HELB: variants seen among roughly 807,000 people sequenced by gnomAD.
The protein encoded by HELB is DNA 5'-3' helicase B.
In HELB, 96 loss-of-function variants were observed where a neutral mutation model predicts 101.7. The observed-to-expected ratio is 0.94, with a 90% CI of 0.80 to 1.12. The LOEUF is 1.12. Among genes scored for constraint, HELB ranks in the 50% most tolerant of loss-of-function variants. The pLI, the probability that HELB is intolerant of heterozygous loss-of-function variation, is 0.00. For missense variants in HELB, 1,210 were observed against 1,291.9 expected (o/e 0.94, Z 0.97); for synonymous variants, 437 against 459.7 (o/e 0.95, Z 0.63).
intron 11 of HELB, among the ~76,000 whole-genome samples, chr12:66,325,767 T>A (rs993844922): frequency 6.6e-6 from 1 of 152,212 alleles, no homozygotes. Context: ...CCTTATCAAC[T>A]TTGTGGGGTA....
intron 7 of HELB, among the ~76,000 whole-genome samples, chr12:66,320,191 A>G (rs576499587): frequency 2.6e-5 from 4 of 152,076 alleles, no homozygotes; most frequent in Non-Finnish European, 4.4e-5. Context: ...GAAACAATTT[A>G]TACTCTTTAA....
downstream of HELB, chr12:66,338,912 G>A (rs2053896317): frequency 6.6e-6 from 1 of 152,142 alleles, no homozygotes; most frequent in Admixed American, 6.5e-5. Flanking sequence ...ACTTTTCCTT[G>A]GAAGTGCTTT....
intron 1 of HELB, among the ~76,000 whole-genome samples, chr12:66,303,540 G>T (rs1423124976): frequency 1.3e-5 from 2 of 152,134 alleles, no homozygotes; most frequent in African/African-American, 2.4e-5. Context: ...GGCCGAGGCA[G>T]GAGAATTGCT....
chr12:66,309,681 C>A lies in HELB; in HGVS notation c.778-25C>A, dbSNP rs765808903. On this transcript the variant is annotated intron_variant, in intron 3 of 12. Coordinates refer to ENST00000247815, the MANE Select transcript of HELB (RefSeq NM_001370285.1). ...CATAAACACTTATGATGTTTATAAA[C>A]CAACCTGAACTTTATTTCTTAAAGA... 5 of 1,507,838 alleles carry A rather than the reference C, an allele frequency of 3.3e-6. No homozygotes were observed. In the African/African-American group the frequency reaches 5.6e-5, roughly 17 times the overall value. 93.4% of individuals were successfully genotyped at this position (1,507,838 alleles called of 1,614,324 possible).
At chr12:66,312,694 T>C (rs1475154023) in intron 4 of HELB, among the ~76,000 whole-genome samples, 6 of 152,236 alleles carry the variant, frequency 3.9e-5, no homozygotes, top group Non-Finnish European at 1.5e-5. Flanking sequence ...TCTGAAGCTA[T>C]GTTTAGGCTC....
chr12:66,329,982 T>C (rs2053786762), intron 11 of HELB, among the ~76,000 whole-genome samples: 1 of 152,234 alleles, frequency 6.6e-6, no homozygotes, highest in Non-Finnish European at 1.5e-5. Context: ...TCTGAGGAGC[T>C]GCTTCAAACT....
At chr12:66,336,510 C>T (rs914748770) in intron 12 of HELB, among the ~76,000 whole-genome samples, 4 of 152,154 alleles carry the variant, frequency 2.6e-5, no homozygotes, top group African/African-American at 9.7e-5. Context: ...GCTTCCAAGG[C>T]TGTAATAAAG....
At position 66,306,363 on chromosome 12, in the gene HELB, T is replaced by C; in HGVS notation, c.626T>C (p.Met209Thr). 6.3e-7 allele frequency: 1 copy of C among 1,593,314 alleles called. No homozygotes were observed. The highest frequency in any genetic ancestry group is 8.5e-7 in the Non-Finnish European group (1 of 1,171,906). ...CTTGTAGTTCCATTTAGAAATGTAA[T>C]GACAGCTTTGCAGTTTCCGAAGATA... The part of the protein sequence containing the change: ...LENTIPFRNV[M>T]TALQFPKIME... Residue 209 changes from methionine to threonine, a missense_variant, in exon 3 of 13, where the codon ATG (methionine) becomes ACG (threonine). Met to Thr is a moderately conservative substitution (Grantham distance 81). Coordinates refer to ENST00000247815, the MANE Select transcript of HELB (RefSeq NM_001370285.1).
At chr12:66,319,110 T>C (rs151187000) in intron 7 of HELB, among the ~76,000 whole-genome samples, 2,464 of 152,296 alleles carry the variant, frequency 0.016, 73 homozygotes, top group African/African-American at 0.057. Flanking sequence ...TCTTAATTAA[T>C]GAAGTTTTTC....
At chr12:66,329,922 T>G (rs749525718) in intron 11 of HELB, among the ~76,000 whole-genome samples, 19 of 152,188 alleles carry the variant, frequency 1.2e-4, no homozygotes, top group Non-Finnish European at 2.9e-5. Context: ...TTTATGTCAA[T>G]TTCTGAGACC....
intron 6 of HELB, among the ~76,000 whole-genome samples, chr12:66,317,395 G>A (rs1271470915): frequency 6.6e-6 from 1 of 152,170 alleles, no homozygotes; most frequent in Non-Finnish European, 1.5e-5. Flanking sequence ...CAGGAATAGG[G>A]TAGACAGTGT....
chr12:66,327,035 C>CAAAAAAAAAAAAAAA (rs756031862), intron 11 of HELB, among the ~76,000 whole-genome samples: 1 of 41,702 alleles, frequency 2.4e-5, no homozygotes, highest in Non-Finnish European at 3.9e-5. Flanking sequence ...GACTTCATCT[C>CAAAAAAAAAAAAAAA]AAAAAAAAAA....
chr12:66,328,814 T>C (rs147183482), intron 11 of HELB, among the ~76,000 whole-genome samples: 1 of 152,298 alleles, frequency 6.6e-6, no homozygotes, highest in African/African-American at 2.4e-5. Flanking sequence ...ATGATGATAT[T>C]TTGGATATGT....
intron 12 of HELB, among the ~76,000 whole-genome samples, chr12:66,333,112 C>T (rs1024966441): frequency 3.3e-5 from 5 of 152,156 alleles, no homozygotes; most frequent in South Asian, 2.1e-4. Context: ...GGGAGGAAAG[C>T]GCACCAGTGC....
intron 9 of HELB, among the ~76,000 whole-genome samples, chr12:66,323,353 A>G (rs2053696181): frequency 6.6e-6 from 1 of 152,112 alleles, no homozygotes. Context: ...GCCAGAAAGC[A>G]TGGGCTTGAG....
At chr12:66,306,116 T>C (rs2136986826) in intron 2 of HELB, among the ~76,000 whole-genome samples, 1 of 152,354 alleles carries the variant, frequency 6.6e-6, no homozygotes, top group Non-Finnish European at 1.5e-5. Context: ...AATCATTATT[T>C]AAGCATTTAA....
chr12:66,331,008 G>T, intron 11 of HELB, 146 bp from the exon 12 acceptor site: 1 of 875,996 alleles, frequency 1.1e-6, no homozygotes, highest in Non-Finnish European at 1.8e-6. Flanking sequence ...GAATAAAAAT[G>T]GAACCCATAA....
rs17180665 is a variant in HELB, at chr12:66,331,357, C to T, written c.2874C>T (p.Ser958=). The change falls in exon 12 of 13, where the codon AGC becomes AGT. Residue 958 remains serine (S), a synonymous_variant. Transcript: ENST00000247815. ...TCTTGCAAAGTAAGCTCTCCTCTAG[C>T]GGCGCACCTCCAGCAGATTTTCCGT... ...KHFLQSKLSS[S]GAPPADFPSP... The T allele has an allele frequency of 0.03, 48,732 of 1,614,076 alleles. 871 individuals carry two copies. The highest frequency in any genetic ancestry group is 0.037 in the Non-Finnish European group (43,168 of 1,179,932).
downstream of HELB, chr12:66,343,037 T>C (rs1387112606): frequency 2.0e-5 from 3 of 152,186 alleles, no homozygotes; most frequent in Non-Finnish European, 4.4e-5. Context: ...GTCTTTATTA[T>C]TGTAGCTTTG....
Sources: gnomAD v4.1 joint callset for allele counts (sites outside exome capture counted in the v4.1 genomes callset) on GRCh38, gnomAD v4.1.1 for gene constraint, MANE v1.5 for transcripts, NCBI Gene and HGNC (gene_info 2026-07-23, HGNC 2026-07-21) for gene names.